ANKRD28: variants seen among roughly 807,000 people sequenced by gnomAD.
ANKRD28 encodes serine/threonine-protein phosphatase 6 regulatory ankyrin repeat subunit A.
Under a neutral mutation model 126.5 loss-of-function variants are expected in ANKRD28, and 44 were observed. The ratio of observed to expected loss-of-function variants is 0.35; its 90% CI spans 0.27 to 0.45. ANKRD28 has a LOEUF of 0.45. Ranked by LOEUF, ANKRD28 falls within the 20% of genes least tolerant of loss-of-function variation. The pLI is 1.00. For missense variants in ANKRD28, 1,110 were observed against 1,316.6 expected, an observed-to-expected ratio of 0.84 and a Z score of 2.43; for synonymous variants, 442 against 468.5, an observed-to-expected ratio of 0.94 and a Z score of 0.73.
chr3:15,848,327 T>C (rs2061568670), intron 1 of ANKRD28, among the ~76,000 whole-genome samples: 1 of 152,224 alleles, frequency 6.6e-6, no homozygotes, highest in African/African-American at 2.4e-5. Flanking sequence ...TAAACTTTCA[T>C]TATACCCAAA....
In ANKRD28 at chr3:15,817,481, A is replaced by G. The variant is rs534023350; in HGVS notation, c.28-22175T>C. ...AAAAAGTAAACTACAAAGCAGTGCA[A>G]TAAGTGCTCTCCTAAAAGTTTGTTG... On this transcript the variant is annotated intron_variant, in intron 1 of 27. Coordinates refer to the ANKRD28 transcript ENST00000399451. The surrounding 1 kb of genome is among the most constrained non-coding windows in gnomAD (Gnocchi z 4.5). 1.3e-5 allele frequency among the ~76,000 whole-genome samples: 2 copies of G among 152,190 alleles called. No homozygotes were observed. The highest frequency in any genetic ancestry group is 4.8e-5 in the African/African-American group (2 of 41,456).
chr3:15,689,213 A>G (rs1214932948), intron 18 of ANKRD28, among the ~76,000 whole-genome samples: 1 of 152,210 alleles, frequency 6.6e-6, no homozygotes, highest in Non-Finnish European at 1.5e-5. Flanking sequence ...TCTTTGGGCC[A>G]CTGGGTTTTA....
chr3:15,848,541 G>A (rs369510898), intron 1 of ANKRD28, among the ~76,000 whole-genome samples: 10 of 152,180 alleles, frequency 6.6e-5, no homozygotes, highest in African/African-American at 2.4e-4. Context: ...CAGGCATAGT[G>A]GTGCATGCCT....
intron 15 of ANKRD28, among the ~76,000 whole-genome samples, 165 bp downstream of exon 15, chr3:15,695,969 G>A (rs1260212354): frequency 6.6e-6 from 1 of 152,096 alleles, no homozygotes; most frequent in Non-Finnish European, 1.5e-5. Flanking sequence ...AAAAGAGAAT[G>A]AGATATATCT....
rs1575290616 is a variant in ANKRD28 at position 15,708,036 on chromosome 3, A to G, written c.1435T>C (p.Cys479Arg). ...AGAGCAAACAGGCACTGGTAATTGCAGTTGGCAGCAGCGTAGTGCAGTGGA... is the reference window on the plus strand; with the variant it reads ...AGAGCAAACAGGCACTGGTAATTGCGGTTGGCAGCAGCGTAGTGCAGTGGA... ...RSPLHYAAAN[C>R]NYQCLFALVG... Residue 479 changes from cysteine to arginine, a missense_variant, in exon 14 of 28, where the codon TGC (cysteine) becomes CGC (arginine). Transcript: ENST00000683139. 3 of 1,608,948 alleles carry G rather than the reference A, an allele frequency of 1.9e-6. No individual in the cohort carries two copies. The highest frequency in any genetic ancestry group is 2.2e-5 in the South Asian group (2 of 89,908).
rs2060302736 is a variant in ANKRD28 at position 15,796,911 on chromosome 3, C to T, written c.-390G>A. On this transcript the variant is annotated 5_prime_UTR_variant, in exon 1 of 28. Transcript: ENST00000683139. ...ACAATCATTGTTTTTGGTGACACAACACCACACAATATAGAATGAAATGAG... is the reference window on the plus strand; with the variant it reads ...ACAATCATTGTTTTTGGTGACACAATACCACACAATATAGAATGAAATGAG... 2.2e-5 allele frequency: 22 copies of T among 987,506 alleles called. No individual in the cohort carries two copies. The highest frequency in any genetic ancestry group is 2.4e-5 in the Non-Finnish European group (20 of 831,350). 61.2% of individuals were successfully genotyped at this position (987,506 alleles called of 1,614,324 possible).
chr3:15,695,878 G>A (rs1354606650), intron 15 of ANKRD28, among the ~76,000 whole-genome samples: 1 of 152,058 alleles, frequency 6.6e-6, no homozygotes, highest in African/African-American at 2.4e-5. Context: ...TAAAGGGGCA[G>A]GAGAAGTAAA....
intron 2 of ANKRD28, among the ~76,000 whole-genome samples, chr3:15,777,042 G>A (rs1244193161): frequency 2.6e-5 from 4 of 152,088 alleles, no homozygotes; most frequent in African/African-American, 4.8e-5. Flanking sequence ...TTGGGAGGCC[G>A]AGGTGGGTGG....
intron 1 of ANKRD28, among the ~76,000 whole-genome samples, chr3:15,806,438 T>G (rs373344624): frequency 6.6e-5 from 10 of 152,198 alleles, no homozygotes; most frequent in South Asian, 4.1e-4. Context: ...CAACCCCATA[T>G]AGCTGATCTT....
chr3:15,714,990 A>C (rs1559392151), intron 8 of ANKRD28, among the ~76,000 whole-genome samples: 1 of 152,182 alleles, frequency 6.6e-6, no homozygotes, highest in Non-Finnish European at 1.5e-5. Context: ...TTCCTTGACC[A>C]AGTAAAAGTG....
intron 3 of ANKRD28, among the ~76,000 whole-genome samples, chr3:15,758,103 G>A (rs1268977139): frequency 2.0e-5 from 3 of 152,158 alleles, no homozygotes; most frequent in Non-Finnish European, 4.4e-5. Context: ...ATACATGTTT[G>A]TAATAATTAT....
At chr3:15,674,095 C>G (rs1469097212) in intron 27 of ANKRD28, among the ~76,000 whole-genome samples, 5 of 132,516 alleles carry the variant, frequency 3.8e-5, no homozygotes. Context: ...TCTCTTGAGC[C>G]CAGGAGTTCA....
At chr3:15,734,418 G>A (rs1053682868) in intron 6 of ANKRD28, among the ~76,000 whole-genome samples, 4 of 152,192 alleles carry the variant, frequency 2.6e-5, no homozygotes, top group Non-Finnish European at 5.9e-5. Flanking sequence ...GTAAATCAGG[G>A]AATGATACAA....
intron 17 of ANKRD28, among the ~76,000 whole-genome samples, chr3:15,690,516 C>T (rs922449617): frequency 2.0e-5 from 3 of 152,096 alleles, no homozygotes; most frequent in Non-Finnish European, 4.4e-5. Flanking sequence ...ATGTGTGACA[C>T]GGATTCATTT....
chr3:15,745,742 T>C (rs1344288502), intron 4 of ANKRD28, among the ~76,000 whole-genome samples: 1 of 152,172 alleles, frequency 6.6e-6, no homozygotes, highest in African/African-American at 2.4e-5. Flanking sequence ...TCTAATTCTG[T>C]GAAGAATGAT....
chr3:15,859,792 C>T, upstream of ANKRD28: 1 of 152,242 alleles, frequency 6.6e-6, no homozygotes, highest in Non-Finnish European at 1.5e-5. Context: ...CCCGCGGCAG[C>T]GGCGGCATCC....
chr3:15,778,015 C>T (rs2059378144), intron 2 of ANKRD28, among the ~76,000 whole-genome samples: 1 of 152,168 alleles, frequency 6.6e-6, no homozygotes, highest in East Asian at 1.9e-4. Flanking sequence ...TCGCTTCTAA[C>T]ACTTAGTAAT....
At chr3:15,759,282 A>G (rs186557060) in intron 3 of ANKRD28, among the ~76,000 whole-genome samples, 1 of 152,274 alleles carries the variant, frequency 6.6e-6, no homozygotes, top group East Asian at 1.9e-4. Context: ...AAAAACTTTG[A>G]AAGTTTAAAA....
intron 14 of ANKRD28, among the ~76,000 whole-genome samples, chr3:15,698,725 T>C (rs2070066487): frequency 6.6e-6 from 1 of 152,042 alleles, no homozygotes; most frequent in South Asian, 2.1e-4. Flanking sequence ...AAACCACTGC[T>C]CAATGAAATA....
Sources: gnomAD v4.1 joint callset for allele counts (sites outside exome capture counted in the v4.1 genomes callset) on GRCh38, gnomAD v4.1.1 for gene constraint, Gnocchi (gnomAD v3.1) non-coding constraint, MANE v1.5 for transcripts, NCBI Gene and HGNC (gene_info 2026-07-23, HGNC 2026-07-21) for gene names.